OPRM1: variants seen among roughly 807,000 people sequenced by gnomAD.
OPRM1 encodes opioid receptor mu 1, also known as mu-type opioid receptor.
Under a neutral mutation model 31.8 loss-of-function variants are expected in OPRM1, and 27 were observed. The ratio of observed to expected loss-of-function variants is 0.85; its 90% confidence interval spans 0.63 to 1.17. OPRM1 has a LOEUF of 1.17. OPRM1 is among the 50% of genes most tolerant of loss of function. The probability of loss-of-function intolerance (pLI) is 0.00; values close to 1 mark genes in which losing one functional copy is unlikely to be tolerated. For synonymous variants in OPRM1, 196 were observed against 189.9 expected, an observed-to-expected ratio of 1.03 and a Z score of -0.26; for missense variants, 536 against 511.1, an observed-to-expected ratio of 1.05 and a Z score of -0.47.
intron 3 of OPRM1, among the ~76,000 whole-genome samples, chr6:154,100,065 C>CATGATATATATCTCATATATATCAT (rs1794421124): frequency 7.7e-6 from 1 of 129,414 alleles, no homozygotes; most frequent in African/African-American, 2.9e-5. Context: ...TGATATATAT[C>CATGATATATATCTCATATATATCAT]ATGATATATA....
chr6:154,207,226 A>G (rs1777575428), intron 3 of OPRM1, among the ~76,000 whole-genome samples: 1 of 152,348 alleles, frequency 6.6e-6, no homozygotes, highest in South Asian at 2.1e-4. Context: ...GCAGGCTGTG[A>G]ATGAAGATGA....
In OPRM1 at chr6:154,180,404, ATATATATATATTTT is replaced by A. The variant is rs1435612219; in HGVS notation, c.1165-66287_1165-66274del. On this transcript the variant is annotated intron_variant, in intron 3 of 3. Transcript: ENST00000337049. ...ACAACAACTATATATATATATATATATATATATATATTTTTTTTTTAAACATGATCCTTCTTGGT... is the reference window on the plus strand; with the variant it reads ...ACAACAACTATATATATATATATATATTTTTTAAACATGATCCTTCTTGGT... Among the ~76,000 whole-genome samples, 125 of 40,336 alleles carry A rather than the reference ATATATATATATTTT, an allele frequency of 3.1e-3. No individual in the cohort carries two copies. In the East Asian group the frequency reaches 0.081, roughly 26 times the overall value. The allele number at this position is 40,336 out of a possible 152,430, so 26.5% of individuals were successfully genotyped here.
At chr6:154,078,805 G>C (rs1364561211) in intron 1 of OPRM1, among the ~76,000 whole-genome samples, 1 of 152,176 alleles carries the variant, frequency 6.6e-6, no homozygotes, top group Non-Finnish European at 1.5e-5. Flanking sequence ...TTGAACAGAG[G>C]AGGTCAAAGC....
intron 1 of OPRM1, among the ~76,000 whole-genome samples, chr6:154,064,860 A>C (rs749773036): frequency 6.6e-6 from 1 of 152,146 alleles, no homozygotes; most frequent in Non-Finnish European, 1.5e-5. Flanking sequence ...GTATGGCTTT[A>C]TACAAGTACC....
chr6:154,239,686 G>A (rs1207943434), intron 3 of OPRM1, among the ~76,000 whole-genome samples: 2 of 150,396 alleles, frequency 1.3e-5, no homozygotes, highest in Admixed American at 1.3e-4. Context: ...CACATGGTTA[G>A]TTTGAATTGT....
At chr6:154,064,613 T>A (rs1222998218) in intron 1 of OPRM1, among the ~76,000 whole-genome samples, 3 of 152,182 alleles carry the variant, frequency 2.0e-5, no homozygotes, top group African/African-American at 7.2e-5. Flanking sequence ...AAGGGTTGTA[T>A]AATTTTAGCT....
chr6:154,110,346 T>C, intron 3 of OPRM1: 1 of 1,365,742 alleles, frequency 7.3e-7, no homozygotes, highest in Non-Finnish European at 1.0e-6. Context: ...GAATGAAATA[T>C]CTTTGCAGAA....
At chr6:154,097,249 G>T (rs1405816950) in intron 3 of OPRM1, among the ~76,000 whole-genome samples, 2 of 152,098 alleles carry the variant, frequency 1.3e-5, no homozygotes, top group Non-Finnish European at 2.9e-5. Context: ...TATTATTAAA[G>T]CACTTTCTTG....
intron 3 of OPRM1, chr6:154,154,358 AAAT>A (rs1290431552): frequency 2.0e-5 from 3 of 152,240 alleles, no homozygotes; most frequent in Admixed American, 1.3e-4. Context: ...GGGTGCCTAG[AAAT>A]AATAAGTAAT....
At chr6:154,084,403 C>T (rs1442572913) in intron 1 of OPRM1, among the ~76,000 whole-genome samples, 1 of 151,300 alleles carries the variant, frequency 6.6e-6, no homozygotes, top group African/African-American at 2.4e-5. Flanking sequence ...TTAGAACCTC[C>T]CCCCCCAACA....
intron 1 of OPRM1, among the ~76,000 whole-genome samples, chr6:154,079,405 T>C (rs1315503803): frequency 6.6e-6 from 1 of 152,170 alleles, no homozygotes; most frequent in Non-Finnish European, 1.5e-5. Flanking sequence ...GTGAGCCCTC[T>C]AGATTCCTGT....
intron 1 of OPRM1, among the ~76,000 whole-genome samples, chr6:154,068,968 A>AT (rs530952458): frequency 6.6e-4 from 101 of 152,140 alleles, no homozygotes; most frequent in Non-Finnish European, 1.3e-3. Flanking sequence ...GATGTTAAAC[A>AT]TTTTTTTCAT....
At chr6:154,034,233 G>A (rs1779164808), upstream of OPRM1, among the ~76,000 whole-genome samples, 1 of 152,176 alleles carries the variant, frequency 6.6e-6, no homozygotes, top group Non-Finnish European at 1.5e-5. Context: ...TTTTTCCGTG[G>A]ATCACTATTT....
intron 3 of OPRM1, chr6:154,212,632 T>C (rs1778056936): frequency 6.5e-6 from 4 of 618,564 alleles, no homozygotes; most frequent in African/African-American, 1.8e-5. Context: ...ACCCTGAAAA[T>C]TGCACTTGCT....
At position 154,106,922 on chromosome 6, in the gene OPRM1, A is replaced by G. The variant is rs1339083680; in HGVS notation, c.1165-11761A>G. On this transcript the variant is annotated intron_variant, in intron 3 of 3. Transcript: ENST00000330432. ...CATTTTTAAGATGTTTTATTTTACC[A>G]ATAATCTTTAAAACTGTCTTTATTT... Among the ~76,000 whole-genome samples the G allele has an allele frequency of 2.6e-5, 4 of 152,222 alleles. No individual in the cohort carries two copies. In the East Asian group the frequency reaches 7.7e-4, roughly 29 times the overall value.
rs1423573537 is a variant in OPRM1, at chr6:154,127,698, A to G, written c.*8977A>G. Among the ~76,000 whole-genome samples the G allele has an allele frequency of 1.3e-5, 2 of 152,194 alleles. No homozygotes were observed. The highest frequency in any genetic ancestry group is 2.9e-5 in the Non-Finnish European group (2 of 68,040). ...AGAGCCAGTCAGAATTCAATCTCCA[A>G]TATCCTGACTAGCACAAGAAATCCA... On this transcript the variant is annotated 3_prime_UTR_variant, in exon 4 of 4. Transcript: ENST00000330432.
At chr6:154,040,971 T>TG (rs1226665519) in intron 1 of OPRM1, among the ~76,000 whole-genome samples, 1 of 127,218 alleles carries the variant, frequency 7.9e-6, no homozygotes, top group Non-Finnish European at 1.7e-5. Flanking sequence ...AATTCGAGGG[T>TG]TTTTTTTTTT....
At chr6:154,184,930 C>T (rs754958879) in intron 3 of OPRM1, among the ~76,000 whole-genome samples, 2 of 151,878 alleles carry the variant, frequency 1.3e-5, no homozygotes, top group Admixed American at 6.5e-5. Flanking sequence ...TCACAAGAAA[C>T]AAACATATTT....
rs1562387533 is a variant in OPRM1, at chr6:154,039,955, G to C, written c.290+121G>C. On this transcript the variant is annotated intron_variant, in intron 1 of 3. Transcript: ENST00000330432. The stretch of plus-strand genomic sequence containing the variant: ...ATGAAAGAGGGGAGGTAAACTGGGG[G>C]GACTCTGGAGGAGACCACGGACAGT... 1 of 786,164 alleles carries C rather than the reference G, an allele frequency of 1.3e-6. No homozygotes were observed. The highest frequency in any genetic ancestry group is 1.7e-5 in the African/African-American group (1 of 57,964). The allele number at this position is 786,164 out of a possible 1,614,324, so 48.7% of individuals were successfully genotyped here.
Sources: gnomAD v4.1 joint callset for allele counts (sites outside exome capture counted in the v4.1 genomes callset) on GRCh38, gnomAD v4.1.1 for gene constraint, MANE v1.5 for transcripts, NCBI Gene and HGNC (gene_info 2026-07-23, HGNC 2026-07-21) for gene names.